ZNF804B: variants seen among roughly 807,000 people sequenced by gnomAD.
ZNF804B encodes zinc finger 804B.
ZNF804B carries 80 observed loss-of-function variants against 101.4 expected under a neutral mutation model. The ratio of observed to expected loss-of-function variants is 0.79; its 90% CI spans 0.66 to 0.95. ZNF804B has a LOEUF of 0.95. Ranked by LOEUF, ZNF804B falls within the 40% of genes least tolerant of loss-of-function variation. The pLI is 0.00. For synonymous variants in ZNF804B, 622 were observed against 558.8 expected (o/e 1.11, Z -1.59); for missense variants, 1,673 against 1,561.9 (o/e 1.07, Z -1.20).
chr7:88,976,691 T>A (rs1263868731), intron 1 of ZNF804B, among the ~76,000 whole-genome samples: 2 of 151,726 alleles, frequency 1.3e-5, no homozygotes, highest in Non-Finnish European at 3.0e-5. Flanking sequence ...CATACATAAT[T>A]TGAATTCTTC....
chr7:88,772,189 G>A lies in ZNF804B; in HGVS notation c.108+12105G>A, dbSNP rs563982686. 7.2e-4 allele frequency among the ~76,000 whole-genome samples: 110 copies of A among 152,242 alleles called. 1 individual carries two copies. The highest frequency in any genetic ancestry group is 2.6e-3 in the African/African-American group (108 of 41,550). On this transcript the variant is annotated intron_variant, in intron 1 of 3. Transcript: ENST00000333190. Reference sequence around the variant, plus strand: ...GCTACATACTATACGTTTAGGAAGTGTGTATAATATCCCTGGGAGAATCCT... The same window carrying A: ...GCTACATACTATACGTTTAGGAAGTATGTATAATATCCCTGGGAGAATCCT...
At chr7:89,195,163 A>C (rs1439133247) in intron 1 of ZNF804B, among the ~76,000 whole-genome samples, 1 of 150,632 alleles carries the variant, frequency 6.6e-6, no homozygotes, top group Non-Finnish European at 1.5e-5. Context: ...AACTCTCAAT[A>C]AATTAGGTAT....
At chr7:89,255,859 T>G (rs1318838660) in intron 2 of ZNF804B, among the ~76,000 whole-genome samples, 1 of 152,102 alleles carries the variant, frequency 6.6e-6, no homozygotes, top group Non-Finnish European at 1.5e-5. Flanking sequence ...TAAAAAAAGA[T>G]TCATAAAAGT....
chr7:88,989,882 T>C (rs537225034), intron 1 of ZNF804B, among the ~76,000 whole-genome samples: 21 of 152,230 alleles, frequency 1.4e-4, no homozygotes, highest in African/African-American at 4.3e-4. Flanking sequence ...CTCTGAGGAA[T>C]GATAGTGTTA....
intron 1 of ZNF804B, among the ~76,000 whole-genome samples, chr7:88,982,187 A>G (rs1311265592): frequency 1.3e-5 from 2 of 151,838 alleles, no homozygotes; most frequent in African/African-American, 2.4e-5. Flanking sequence ...CTGCCCATCC[A>G]TACCAGCCAG....
chr7:88,891,826 G>C (rs1792219503), intron 1 of ZNF804B, among the ~76,000 whole-genome samples: 1 of 151,868 alleles, frequency 6.6e-6, no homozygotes, highest in African/African-American at 2.4e-5. Flanking sequence ...TGCCATGTTG[G>C]TGTGCTTCAC....
intron 1 of ZNF804B, among the ~76,000 whole-genome samples, chr7:88,915,976 A>G (rs1792628137): frequency 6.6e-6 from 1 of 152,038 alleles, no homozygotes; most frequent in African/African-American, 2.4e-5. Flanking sequence ...CCTATAATGT[A>G]TATTTTGAGT....
intron 2 of ZNF804B, among the ~76,000 whole-genome samples, chr7:89,323,136 T>C (rs1390250421): frequency 6.6e-6 from 1 of 152,214 alleles, no homozygotes; most frequent in African/African-American, 2.4e-5. Context: ...AACAAAAAGA[T>C]GTCCATCTGC....
rs1012832581 is a variant in ZNF804B at position 88,851,711 on chromosome 7, T to C, written c.108+91627T>C. Among the ~76,000 whole-genome samples, 13 of 152,116 alleles carry C rather than the reference T, an allele frequency of 8.5e-5. No individual in the cohort carries two copies. The East Asian group carries it at 2.1e-3, about 25-fold the overall frequency. On this transcript the variant is annotated intron_variant, in intron 1 of 3. Coordinates refer to ENST00000333190, the MANE Select transcript of ZNF804B (RefSeq NM_181646.5). ...AATGAACAGCATGGATCAGTAACTA[T>C]ATGAGTAAATATAAAGAGTTTTTTT...
At chr7:89,130,051 T>A (rs150887781) in intron 1 of ZNF804B, among the ~76,000 whole-genome samples, 1 of 152,064 alleles carries the variant, frequency 6.6e-6, no homozygotes, top group East Asian at 1.9e-4. Flanking sequence ...TCTTGGAAAC[T>A]GTAATATATA....
chr7:88,838,533 G>T (rs533097617), intron 1 of ZNF804B, among the ~76,000 whole-genome samples: 1 of 151,832 alleles, frequency 6.6e-6, no homozygotes, highest in Non-Finnish European at 1.5e-5. Context: ...AAAAGTGTTT[G>T]CTTATTTTTA....
intron 3 of ZNF804B, among the ~76,000 whole-genome samples, chr7:89,329,726 T>C (rs1327542465): frequency 6.6e-6 from 1 of 151,722 alleles, no homozygotes; most frequent in East Asian, 1.9e-4. Context: ...CTTATGTATG[T>C]AAGTTTTAGT....
intron 2 of ZNF804B, among the ~76,000 whole-genome samples, chr7:89,229,192 T>A (rs887470942): frequency 1.3e-5 from 2 of 152,192 alleles, no homozygotes; most frequent in African/African-American, 4.8e-5. Flanking sequence ...AGCGGCGGGC[T>A]GAAGGGCTCC....
At chr7:89,029,178 A>G (rs1788792757) in intron 1 of ZNF804B, among the ~76,000 whole-genome samples, 1 of 151,688 alleles carries the variant, frequency 6.6e-6, no homozygotes, top group Non-Finnish European at 1.5e-5. Context: ...ATCTCTGCTC[A>G]CTGTAACCTC....
intron 1 of ZNF804B, among the ~76,000 whole-genome samples, chr7:88,904,817 A>G (rs889268026): frequency 2.0e-5 from 3 of 152,212 alleles, no homozygotes; most frequent in African/African-American, 7.2e-5. Context: ...GGAACATTAC[A>G]AAAGATGTGT....
rs537800394 is a variant in ZNF804B at position 88,937,664 on chromosome 7, A to G, written c.108+177580A>G. On this transcript the variant is annotated intron_variant, in intron 1 of 3. Transcript: ENST00000333190. ...TAAATAATCTAATTTCTTGTAAGAT[A>G]TCCAAAAGAAAAAAAATGAATTAGA... Among the ~76,000 whole-genome samples the G allele has an allele frequency of 6.0e-5, 9 of 149,846 alleles. No individual in the cohort carries two copies. The East Asian group carries it at 1.4e-3, about 24-fold the overall frequency.
chr7:89,201,252 A>G (rs1230501083), intron 1 of ZNF804B, among the ~76,000 whole-genome samples: 1 of 152,082 alleles, frequency 6.6e-6, no homozygotes. Context: ...CAGAGTAGTA[A>G]CAGAGCATGT....
chr7:89,088,747 C>T (rs915436685), intron 1 of ZNF804B, among the ~76,000 whole-genome samples: 1 of 151,438 alleles, frequency 6.6e-6, no homozygotes, highest in African/African-American at 2.4e-5. Context: ...CAGACCACCT[C>T]TGCACAGTAT....
chr7:89,054,633 C>A (rs1789262928), intron 1 of ZNF804B, among the ~76,000 whole-genome samples: 1 of 151,860 alleles, frequency 6.6e-6, no homozygotes, highest in African/African-American at 2.4e-5. Flanking sequence ...TGGCATAAAG[C>A]ATTAGGAAAA....
Sources: allele counts gnomAD v4.1 joint callset (sites outside exome capture counted in the v4.1 genomes callset), GRCh38; gene constraint gnomAD v4.1.1; transcripts MANE v1.5; gene names NCBI Gene and HGNC (gene_info 2026-07-23, HGNC 2026-07-21).